The following NBPF12 variants were observed in gnomAD, a reference collection of about 807,000 sequenced individuals.
NBPF12 encodes the protein NBPF family member NBPF12.
A neutral mutation model predicts 146.4 loss-of-function variants in NBPF12; 115 were observed. The observed-to-expected ratio is 0.79, with a 90% CI of 0.68 to 0.92. The LOEUF is 0.92. Ranked by LOEUF, NBPF12 falls within the 40% of genes least tolerant of loss-of-function variation. The pLI is 0.00. For missense variants in NBPF12, 1,205 were observed against 1,326.8 expected (o/e 0.91, Z 1.43); for synonymous variants, 385 against 508.9 (o/e 0.76, Z 3.28).
chr1:146,969,691 T>C lies in NBPF12; in HGVS notation c.1306+95T>C, dbSNP rs1190939199. On this transcript the variant is annotated intron_variant, in intron 11 of 33. Transcript: ENST00000617844. ...CACAATGACAGTTGTATCAGTGGGGTTTTTTTCTACTACACATGTGTGGCC... is the reference window on the plus strand; with the variant it reads ...CACAATGACAGTTGTATCAGTGGGGCTTTTTTCTACTACACATGTGTGGCC... 3 of 1,548,842 alleles carry C rather than the reference T, an allele frequency of 1.9e-6. No homozygotes were observed. The East Asian group carries it at 6.8e-5, about 35-fold the overall frequency.
At chr1:146,941,168 C>T (rs1570806247) in intron 1 of NBPF12, among the ~76,000 whole-genome samples, 1 of 151,300 alleles carries the variant, frequency 6.6e-6, no homozygotes, top group African/African-American at 2.4e-5. Flanking sequence ...AGTGCAACCT[C>T]GACCTCCCAA....
In NBPF12 at chr1:146,972,698, A is replaced by G. The variant is rs1553886745; in HGVS notation, c.1592-53A>G. 1.8e-4 allele frequency: 244 copies of G among 1,360,052 alleles called. 3 individuals are homozygous for G. The South Asian group carries it at 2.7e-3, about 15-fold the overall frequency. The allele number at this position is 1,360,052 out of a possible 1,614,324, so 84.2% of individuals were successfully genotyped here. ...ACATCCCTCAGTCCTGATTAAGCCT[A>G]TTTCATTTCATCAGTTTTTAACCCA... On this transcript the variant is annotated intron_variant, in intron 13 of 33. Coordinates refer to ENST00000617844, the Ensembl canonical transcript of NBPF12.
rs1217323200 is a variant in NBPF12 at position 146,949,763 on chromosome 1, G to T, written c.-326+341G>T. ...TATTCTTGTTTGTGGGGGACTGAGG[G>T]CCCTTTTTCTGTGCTGGCTGTCAGC... On this transcript the variant is annotated intron_variant, in intron 1 of 33. Transcript: ENST00000617844. 1.3e-5 allele frequency among the ~76,000 whole-genome samples: 2 copies of T among 151,394 alleles called. 1 individual carries two copies. Among genetic ancestry groups the T allele is most frequent in the African/African-American group, 4.9e-5 (2 of 40,936 alleles).
chr1:146,970,822 C>G lies in NBPF12; in HGVS notation c.1379+103C>G, dbSNP rs1185505922. 1.4e-5 allele frequency: 15 copies of G among 1,100,812 alleles called. No homozygotes were observed. The Admixed American group carries it at 1.5e-4, about 11-fold the overall frequency. 68.2% of individuals were successfully genotyped at this position (1,100,812 alleles called of 1,614,324 possible). On this transcript the variant is annotated intron_variant, in intron 12 of 33. Transcript: ENST00000617844. Reference sequence around the variant, plus strand: ...TATGATGGGCCAAAAGCCCGCATTCCCTTGGCCACAGTATGTGAAATTCAA... The same window carrying G: ...TATGATGGGCCAAAAGCCCGCATTCGCTTGGCCACAGTATGTGAAATTCAA...
intron 13 of NBPF12, among the ~76,000 whole-genome samples, chr1:146,971,895 C>A (rs1416743202): frequency 2.9e-5 from 4 of 136,538 alleles, no homozygotes; most frequent in Admixed American, 7.4e-5. Context: ...CTGGCTAACA[C>A]GGTGAAACCC....
At chr1:146,981,766 T>G (rs1657414118) in intron 19 of NBPF12, among the ~76,000 whole-genome samples, 1 of 151,668 alleles carries the variant, frequency 6.6e-6, no homozygotes, top group East Asian at 1.9e-4. Flanking sequence ...TACTCTTTTT[T>G]CTCTAAACTT....
rs1408739188 is a variant in NBPF12, at chr1:146,962,834, G to T, written c.279-261G>T. 3.3e-3 allele frequency among the ~76,000 whole-genome samples: 491 copies of T among 150,890 alleles called. 3 individuals are homozygous for T. Among genetic ancestry groups the T allele is most frequent in the Non-Finnish European group, 5.2e-3 (356 of 67,870 alleles). On this transcript the variant is annotated intron_variant, in intron 5 of 33. Transcript: ENST00000617844. ...AGGATGTCTTTTTGAAACGGAATTAGGAAGACACCTACCTTTGTTTACAGA... is the reference window on the plus strand; with the variant it reads ...AGGATGTCTTTTTGAAACGGAATTATGAAGACACCTACCTTTGTTTACAGA...
upstream of NBPF12, among the ~76,000 whole-genome samples, chr1:146,948,569 A>G (rs1241950389): frequency 6.6e-6 from 1 of 151,536 alleles, no homozygotes; most frequent in Admixed American, 6.6e-5. Context: ...AGTCATCACC[A>G]CTCCCTAATC....
intron 1 of NBPF12, among the ~76,000 whole-genome samples, chr1:146,940,630 T>C (rs1654758430): frequency 6.6e-6 from 1 of 151,758 alleles, no homozygotes; most frequent in African/African-American, 2.4e-5. Context: ...AGAACATTAC[T>C]ATATTGGGGT....
chr1:146,952,246 T>A (rs1372351218), intron 2 of NBPF12, among the ~76,000 whole-genome samples: 4 of 152,102 alleles, frequency 2.6e-5, no homozygotes, highest in African/African-American at 9.7e-5. Context: ...AAAGCATGGC[T>A]GAGGCTTGTG....
intron 2 of NBPF12, among the ~76,000 whole-genome samples, chr1:146,959,218 G>A (rs1250946022): frequency 1.3e-5 from 1 of 74,176 alleles, no homozygotes; most frequent in Non-Finnish European, 2.6e-5. Context: ...GCTCACGCCT[G>A]TAATCCCAGC....
chr1:146,961,177 A>T (rs1363746005), intron 4 of NBPF12, among the ~76,000 whole-genome samples: 4 of 152,030 alleles, frequency 2.6e-5, no homozygotes, highest in African/African-American at 9.7e-5. Context: ...AATAAATCAA[A>T]AATAAAAATA....
intron 5 of NBPF12, 122 bp downstream of exon 8, chr1:146,962,385 G>T (rs1655907606): frequency 9.0e-6 from 7 of 774,690 alleles, no homozygotes; most frequent in Non-Finnish European, 1.6e-5. Context: ...TGCCATGGCA[G>T]GCTCATGACA....
intron 12 of NBPF12, 99 bp from the exon 16 acceptor site, chr1:146,971,084 A>G: frequency 5.0e-6 from 8 of 1,586,784 alleles, no homozygotes; most frequent in Non-Finnish European, 6.9e-6. Context: ...TTCTGGGACC[A>G]CTCTCTTAAT....
chr1:146,962,673 TTTC>T (rs1392030005), intron 5 of NBPF12, among the ~76,000 whole-genome samples: 1 of 150,430 alleles, frequency 6.6e-6, no homozygotes, highest in African/African-American at 2.5e-5. Context: ...CTGTCATTCT[TTTC>T]TTCTTTCATC....
chr1:146,980,089 G>C (rs1657272315), intron 19 of NBPF12, among the ~76,000 whole-genome samples: 1 of 150,718 alleles, frequency 6.6e-6, no homozygotes, highest in African/African-American at 2.5e-5. Flanking sequence ...CGTCTCTTTT[G>C]ATATTTGTTG....
chr1:146,962,205 G>C (rs1457846633), exon 5 of NBPF12: 142 of 1,608,436 alleles, frequency 8.8e-5, no homozygotes, highest in Non-Finnish European at 2.1e-5. Flanking sequence ...GCTGAGGAAT[G>C]AGCGACAGTT....
chr1:146,972,416 AAAG>A (rs1196644928), intron 13 of NBPF12, among the ~76,000 whole-genome samples: 1,954 of 151,384 alleles, frequency 0.013, 122 homozygotes, highest in African/African-American at 0.046. Context: ...AAAAACCAAA[AAAG>A]AAAAAAATTA....
intron 8 of NBPF12, among the ~76,000 whole-genome samples, chr1:146,965,818 A>AAAAAAAAAAAAT (rs1656164038): frequency 7.1e-6 from 1 of 141,498 alleles, no homozygotes; most frequent in Non-Finnish European, 1.5e-5. Flanking sequence ...AAAAAAAAAA[A>AAAAAAAAAAAAT]AAGTCTCTGA....
Sources: gnomAD v4.1 joint callset for allele counts (sites outside exome capture counted in the v4.1 genomes callset) on GRCh38, gnomAD v4.1.1 for gene constraint, MANE v1.5 for transcripts, NCBI Gene and HGNC (gene_info 2026-07-23, HGNC 2026-07-21) for gene names.